Variants in NTAQ1 observed in about 807,000 individuals in gnomAD.
NTAQ1 encodes the protein N-terminal glutamine amidase 1, also known as protein N-terminal glutamine amidohydrolase.
A neutral mutation model predicts 28.2 loss-of-function variants in NTAQ1; 21 were observed. The observed-to-expected ratio is 0.74, with a 90% CI of 0.53 to 1.07. The LOEUF (loss-of-function observed/expected upper bound fraction) is 1.07, where lower values mean the gene tolerates loss of function less well. Ranked by LOEUF, NTAQ1 falls within the 50% of genes least tolerant of loss-of-function variation. NTAQ1 has a pLI of 0.00. For synonymous variants in NTAQ1, 105 were observed against 90.0 expected (o/e 1.17, Z -0.94); for missense variants, 264 against 256.6 (o/e 1.03, Z -0.20).
chr8:123,443,734 A>C (rs533151717), downstream of NTAQ1, among the ~76,000 whole-genome samples: 3 of 152,216 alleles, frequency 2.0e-5, no homozygotes, highest in African/African-American at 7.2e-5. Context: ...CACAGTGCCC[A>C]GCTAATTTTT....
At chr8:123,425,539 A>G (rs1425493535) in intron 1 of NTAQ1, among the ~76,000 whole-genome samples, 1 of 151,832 alleles carries the variant, frequency 6.6e-6, no homozygotes, top group Non-Finnish European at 1.5e-5. Context: ...AGAGAAAAGG[A>G]AAACCATGGG....
downstream of NTAQ1, among the ~76,000 whole-genome samples, chr8:123,443,254 A>C (rs547875652): frequency 6.6e-6 from 1 of 151,934 alleles, no homozygotes; most frequent in Admixed American, 6.6e-5. Context: ...TCCTGACCTC[A>C]GGTGATCTGC....
At chr8:123,417,055 A>G in intron 1 of NTAQ1, 123 bp downstream of exon 1, 2 of 994,434 alleles carry the variant, frequency 2.0e-6, no homozygotes. Context: ...CGGGTTCTAC[A>G]GTTTTGCGGG....
chr8:123,470,401 C>T (rs888967035), downstream of NTAQ1, among the ~76,000 whole-genome samples: 1 of 152,178 alleles, frequency 6.6e-6, no homozygotes, highest in Admixed American at 6.5e-5. Flanking sequence ...GAGATGGACG[C>T]ATTTTATAAC....
downstream of NTAQ1, among the ~76,000 whole-genome samples, chr8:123,473,639 AT>A (rs1482080701): frequency 1.3e-5 from 2 of 152,206 alleles, no homozygotes; most frequent in Non-Finnish European, 2.9e-5. Context: ...GTCTTAGACG[AT>A]GAGCAAGAAA....
intron 1 of NTAQ1, among the ~76,000 whole-genome samples, chr8:123,424,945 C>T (rs369412394): frequency 2.0e-5 from 3 of 152,222 alleles, no homozygotes; most frequent in African/African-American, 7.2e-5. Context: ...ATTATAAGCT[C>T]TTGAAGGTAT....
chr8:123,433,970 T>G (rs2058063973), intron 3 of NTAQ1, among the ~76,000 whole-genome samples: 1 of 151,972 alleles, frequency 6.6e-6, no homozygotes, highest in Middle Eastern at 3.2e-3. Flanking sequence ...TGTTAGTGTA[T>G]TTTATGTGTG....
chr8:123,455,263 G>A (rs750787575), intron 6 of NTAQ1, among the ~76,000 whole-genome samples: 2 of 152,050 alleles, frequency 1.3e-5, no homozygotes, highest in African/African-American at 2.4e-5. Flanking sequence ...TGCCGCCATG[G>A]CTGCTTGGTT....
intron 5 of NTAQ1, among the ~76,000 whole-genome samples, chr8:123,437,972 G>A (rs1440263471): frequency 6.6e-6 from 1 of 152,184 alleles, no homozygotes; most frequent in African/African-American, 2.4e-5. Context: ...GGGACTAGTA[G>A]CACCTTGCCA....
chr8:123,444,226 G>A (rs564769613), downstream of NTAQ1, among the ~76,000 whole-genome samples: 17 of 152,096 alleles, frequency 1.1e-4, no homozygotes, highest in Non-Finnish European at 2.4e-4. Flanking sequence ...TTGAGATGCC[G>A]TCTTGCTCTG....
intron 6 of NTAQ1, among the ~76,000 whole-genome samples, chr8:123,459,515 G>A (rs1275008482): frequency 6.6e-6 from 1 of 152,164 alleles, no homozygotes; most frequent in South Asian, 2.1e-4. Context: ...TCTAATCATT[G>A]CTTAGTCTTT....
chr8:123,429,002 G>C (rs1814237830), intron 2 of NTAQ1, among the ~76,000 whole-genome samples: 1 of 152,130 alleles, frequency 6.6e-6, no homozygotes, highest in African/African-American at 2.4e-5. Context: ...TTTGTCTCTG[G>C]AGTTTAAATA....
At chr8:123,450,629 C>G (rs368471900), downstream of NTAQ1, among the ~76,000 whole-genome samples, 1 of 152,154 alleles carries the variant, frequency 6.6e-6, no homozygotes, top group African/African-American at 2.4e-5. Flanking sequence ...CTCTGTAGGA[C>G]GCTCCCTTTG....
chr8:123,469,169 T>C (rs1238819989), exon 7 of NTAQ1, among the ~76,000 whole-genome samples: 1 of 152,238 alleles, frequency 6.6e-6, no homozygotes, highest in Non-Finnish European at 1.5e-5. Context: ...ATTCCATAAG[T>C]TGCCTTTTCA....
At chr8:123,420,430 A>G (rs1356300638) in intron 1 of NTAQ1, among the ~76,000 whole-genome samples, 1 of 152,134 alleles carries the variant, frequency 6.6e-6, no homozygotes, top group Non-Finnish European at 1.5e-5. Flanking sequence ...GGGTATATAC[A>G]CAGTAATGGG....
chr8:123,418,468 A>C (rs1037380263), intron 1 of NTAQ1, among the ~76,000 whole-genome samples: 5 of 152,062 alleles, frequency 3.3e-5, no homozygotes, highest in African/African-American at 9.7e-5. Flanking sequence ...AAAAAATAAA[A>C]AGCCAAAAAA....
At chr8:123,433,044 C>A (rs887019856) in intron 3 of NTAQ1, among the ~76,000 whole-genome samples, 1 of 152,096 alleles carries the variant, frequency 6.6e-6, no homozygotes, top group Non-Finnish European at 1.5e-5. Context: ...TATCTTAGAC[C>A]AAATAACATG....
downstream of NTAQ1, among the ~76,000 whole-genome samples, chr8:123,445,650 G>A (rs936503295): frequency 6.6e-6 from 1 of 152,180 alleles, no homozygotes; most frequent in Non-Finnish European, 1.5e-5. Flanking sequence ...CTGTTGCCCA[G>A]GTTGGAGTGC....
intron 1 of NTAQ1, among the ~76,000 whole-genome samples, chr8:123,426,597 G>A (rs1814066634): frequency 6.7e-6 from 1 of 149,956 alleles, no homozygotes; most frequent in African/African-American, 2.5e-5. Context: ...GGAGTTTGAG[G>A]CTGCAGTGAG....
Sources: allele counts gnomAD v4.1 joint callset (sites outside exome capture counted in the v4.1 genomes callset), GRCh38; gene constraint gnomAD v4.1.1; transcripts MANE v1.5; gene names NCBI Gene and HGNC (gene_info 2026-07-23, HGNC 2026-07-21).